The following DEPDC5 variants were observed in gnomAD, a reference collection of about 807,000 sequenced individuals.
DEPDC5 encodes the protein DEP domain containing 5, GATOR1 subcomplex subunit, also known as GATOR1 complex protein DEPDC5.
In DEPDC5, 73 loss-of-function variants were observed where a neutral mutation model predicts 217.3. That is an observed-to-expected ratio of 0.34 (90% CI 0.28 to 0.41). The LOEUF (loss-of-function observed/expected upper bound fraction) is 0.41. Among genes scored for constraint, DEPDC5 ranks in the 10% least tolerant of loss-of-function variants. The pLI is 1.00. For synonymous variants in DEPDC5, 733 were observed against 756.7 expected (o/e 0.97, Z 0.51); for missense variants, 1,675 against 2,070.1 (o/e 0.81, Z 3.70).
intron 8 of DEPDC5, among the ~76,000 whole-genome samples, chr22:31,779,689 G>A (rs561453539): frequency 2.0e-3 from 309 of 152,204 alleles, no homozygotes; most frequent in African/African-American, 6.8e-3. Flanking sequence ...CCAAATCACC[G>A]GCTCTAATGG....
chr22:31,786,610 A>G (rs2148438662), intron 10 of DEPDC5, among the ~76,000 whole-genome samples: 1 of 151,548 alleles, frequency 6.6e-6, no homozygotes, highest in Admixed American at 6.6e-5. Context: ...AAAAGAACTG[A>G]ATTTTTTTTT....
At chr22:31,798,172 C>CT (rs1451110912) in intron 13 of DEPDC5, among the ~76,000 whole-genome samples, 1 of 152,146 alleles carries the variant, frequency 6.6e-6, no homozygotes, top group Non-Finnish European at 1.5e-5. Context: ...ATCTTCCTGC[C>CT]TCCACCTTCC....
chr22:31,808,581 C>T (rs957003340), intron 18 of DEPDC5, among the ~76,000 whole-genome samples: 2 of 152,170 alleles, frequency 1.3e-5, no homozygotes, highest in East Asian at 1.9e-4. Context: ...ATTACAGGTG[C>T]CTGCCACCAC....
intron 38 of DEPDC5, among the ~76,000 whole-genome samples, chr22:31,881,014 C>CA (rs753086072): frequency 0.011 from 1,195 of 110,956 alleles, 12 homozygotes; most frequent in African/African-American, 0.031. Flanking sequence ...GACTCCGTCT[C>CA]AAAAAAAAAA....
chr22:31,876,396 C>T (rs961440139), intron 37 of DEPDC5, 131 bp downstream of exon 37: 7 of 667,008 alleles, frequency 1.0e-5, no homozygotes, highest in Non-Finnish European at 1.5e-5. Context: ...CTGTCAACTT[C>T]CTTGAGCCTT....
At chr22:31,808,723 T>A (rs896441050) in intron 18 of DEPDC5, among the ~76,000 whole-genome samples, 2 of 151,970 alleles carry the variant, frequency 1.3e-5, no homozygotes, top group African/African-American at 2.4e-5. Flanking sequence ...TGAGCCACCA[T>A]GCCCAGCTAA....
chr22:31,833,875 G>A (rs201037851), intron 24 of DEPDC5, 40 bp from the exon 25 acceptor site: 1 of 1,476,974 alleles, frequency 6.8e-7, no homozygotes, highest in Non-Finnish European at 9.1e-7. Flanking sequence ...CTTTTGCAGA[G>A]TGAGCCTTCT....
chr22:31,754,054 A>C lies in DEPDC5; in HGVS notation c.-171A>C, dbSNP rs1249161947. 6.7e-6 allele frequency: 1 copy of C among 149,644 alleles called. No homozygotes were observed. Among genetic ancestry groups the C allele is most frequent in the Non-Finnish European group, 1.5e-5 (1 of 67,738 alleles). 9.3% of individuals were successfully genotyped at this position (149,644 alleles called of 1,614,324 possible). A position where few individuals can be genotyped will look rare whatever the true frequency, so the allele number is the denominator to read the frequency against. On this transcript the variant is annotated 5_prime_UTR_variant, in exon 1 of 43. Transcript: ENST00000651528. ...GGCGCTTCAGGCTTAGGGGCGGAAC[A>C]GCGCGGGCCGCGCGGGCGTAGGCGG...
chr22:31,837,298 C>A, intron 26 of DEPDC5, 143 bp downstream of exon 26: 3 of 740,232 alleles, frequency 4.1e-6, no homozygotes, highest in Non-Finnish European at 4.0e-6. Context: ...TTAGCATGGC[C>A]GTTAAATAAA....
intron 7 of DEPDC5, among the ~76,000 whole-genome samples, chr22:31,773,073 C>T (rs961596356): frequency 2.6e-5 from 4 of 152,184 alleles, no homozygotes. Flanking sequence ...TAAGTCACCA[C>T]GCCTGGCTGA....
chr22:31,879,043 A>AAAAAATAT (rs763615141), intron 37 of DEPDC5, among the ~76,000 whole-genome samples: 3 of 119,476 alleles, frequency 2.5e-5, no homozygotes, highest in Non-Finnish European at 5.0e-5. Context: ...AAAAAAAAAA[A>AAAAAATAT]ATATATATAT....
Position 31,906,712 on chromosome 22 carries a change from T to A in DEPDC5, c.*215T>A. The stretch of plus-strand genomic sequence containing the variant: ...GAAGAAAGACTTTGGAAGCAGCTGC[T>A]GCTGCTGCCACCACTCCTGTCAGCA... On this transcript the variant is annotated 3_prime_UTR_variant, in exon 43 of 43. Transcript: ENST00000651528. This position sits in a 1 kb window ranked among gnomAD's most constrained non-coding sequence, Gnocchi z 5.1. The A allele has an allele frequency of 1.6e-6, 1 of 636,652 alleles. No individual in the cohort carries two copies. Among genetic ancestry groups the A allele is most frequent in the Non-Finnish European group, 2.7e-6 (1 of 373,620 alleles). The allele number at this position is 636,652 out of a possible 1,614,324, so 39.4% of individuals were successfully genotyped here.
At position 31,844,956 on chromosome 22, in the gene DEPDC5, T is replaced by C. The variant is rs1184382260; in HGVS notation, c.2802-62T>C. The C allele has an allele frequency of 6.7e-5, 104 of 1,558,094 alleles. 1 individual carries two copies. Among genetic ancestry groups the C allele is most frequent in the Non-Finnish European group, 8.8e-5 (99 of 1,130,526 alleles). On this transcript the variant is annotated intron_variant, in intron 29 of 42. Transcript: ENST00000651528. ...CACACCAACTCCACAGAGAGTTTAC[T>C]GAGAGTGCTTTCATTATCTCCTTTC...
chr22:31,815,981 C>T lies in DEPDC5; in HGVS notation c.1666+769C>T, dbSNP rs1331592401. The T allele has an allele frequency of 6.9e-5, 68 of 988,290 alleles. 1 individual carries two copies. The highest frequency in any genetic ancestry group is 8.1e-5 in the Non-Finnish European group (67 of 832,136). 61.2% of individuals were successfully genotyped at this position (988,290 alleles called of 1,614,324 possible). A position where few individuals can be genotyped will look rare whatever the true frequency, so the allele number is the denominator to read the frequency against. ...CCATTTGTGCCATATATAAAACAAC[C>T]TCTGTCTTAATGTTGCATTTTAGTT... On this transcript the variant is annotated intron_variant, in intron 21 of 42. Transcript: ENST00000651528.
intron 12 of DEPDC5, among the ~76,000 whole-genome samples, chr22:31,794,349 A>G (rs1274936639): frequency 2.6e-5 from 4 of 152,144 alleles, no homozygotes; most frequent in Admixed American, 1.3e-4. Context: ...TTAACAGTAT[A>G]TGCAGTTTTA....
At position 31,802,767 on chromosome 22, in the gene DEPDC5, C is replaced by G. The variant is rs1037878155; in HGVS notation, c.1010C>G (p.Thr337Arg). The part of the protein sequence containing the change: ...DRTGQMSVVI[T>R]PGVGVFEVDR... ...ACTGGGCAGATGTCAGTGGTGATCA[C>G]GCCCGGGGTGGGTGTCTTTGAAGTG... The change falls in exon 15 of 43, where the codon ACG (threonine) becomes AGG (arginine). Residue 337 changes from threonine to arginine, a missense_variant. By Grantham distance (71) the Thr-to-Arg change is moderately conservative. Transcript: ENST00000651528. 6.2e-7 allele frequency: 1 copy of G among 1,606,492 alleles called. No individual in the cohort carries two copies. Among genetic ancestry groups the G allele is most frequent in the Non-Finnish European group, 8.5e-7 (1 of 1,176,852 alleles).
chr22:31,797,140 A>G (rs777736870), intron 12 of DEPDC5, among the ~76,000 whole-genome samples: 5 of 151,920 alleles, frequency 3.3e-5, no homozygotes, highest in East Asian at 3.8e-4. Context: ...CTGTACTCCA[A>G]TTACACTCTT....
chr22:31,862,258 A>T (rs2092542506), intron 33 of DEPDC5, among the ~76,000 whole-genome samples: 1 of 151,006 alleles, frequency 6.6e-6, no homozygotes, highest in East Asian at 2.0e-4. Flanking sequence ...ATAAATAAAT[A>T]AATAAAAATA....
At chr22:31,771,920 T>G (rs1294403377) in intron 7 of DEPDC5, among the ~76,000 whole-genome samples, 1 of 151,628 alleles carries the variant, frequency 6.6e-6, no homozygotes, top group African/African-American at 2.4e-5. Flanking sequence ...AATACAAAAA[T>G]TAGCTGGTCA....
Sources: gnomAD v4.1 joint callset for allele counts (sites outside exome capture counted in the v4.1 genomes callset) on GRCh38, gnomAD v4.1.1 for gene constraint, Gnocchi (gnomAD v3.1) non-coding constraint, MANE v1.5 for transcripts, NCBI Gene and HGNC (gene_info 2026-07-23, HGNC 2026-07-21) for gene names.